SH3BP4: variants seen among roughly 807,000 people sequenced by gnomAD.
SH3BP4 encodes SH3 domain-binding protein 4.
Under a neutral mutation model 65.5 loss-of-function variants are expected in SH3BP4, and 33 were observed. That is an observed-to-expected ratio of 0.50 (90% CI 0.38 to 0.67). The LOEUF is 0.67. Ranked by LOEUF, SH3BP4 falls within the 30% of genes least tolerant of loss-of-function variation. The pLI is 0.00. For missense variants in SH3BP4, 1,134 were observed against 1,261.4 expected (o/e 0.90, Z 1.53); for synonymous variants, 552 against 545.5 (o/e 1.01, Z -0.17).
At position 235,002,924 on chromosome 2, in the gene SH3BP4, G is replaced by A. The variant is rs367910687; in HGVS notation, c.-133+7548G>A. On this transcript the variant is annotated intron_variant, in intron 2 of 5. Transcript: ENST00000392011. ...CAGCAGCAGATTCCAGGGAGGGCCC[G>A]GATGAACCTCCAACAGGAATGCTGA... 7.4e-4 allele frequency among the ~76,000 whole-genome samples: 113 copies of A among 152,304 alleles called. 1 individual carries two copies. Among genetic ancestry groups the A allele is most frequent in the African/African-American group, 2.5e-3 (104 of 41,560 alleles).
chr2:234,972,864 C>T (rs757560311), intron 1 of SH3BP4, among the ~76,000 whole-genome samples: 10 of 152,292 alleles, frequency 6.6e-5, no homozygotes, highest in Non-Finnish European at 1.2e-4. Context: ...GCCTTTTTCC[C>T]GGCTTCACTC....
At chr2:235,009,713 ATCTAATCAAGATT>A (rs1694414442) in intron 2 of SH3BP4, among the ~76,000 whole-genome samples, 1 of 151,790 alleles carries the variant, frequency 6.6e-6, no homozygotes, top group African/African-American at 2.4e-5. Flanking sequence ...TCTATTCCAG[ATCTAATCAAGATT>A]TACCTCTCAC....
chr2:235,052,049 G>A lies in SH3BP4; in HGVS notation c.2479-513G>A, dbSNP rs1696070951. ...ACAGGTCTCAGTCAGGGGTCCCAGG[G>A]TGGCCTCCGTCTGGAAGCAGTGGGG... is the stretch of plus-strand genomic sequence containing the variant. On this transcript the variant is annotated intron_variant, in intron 4 of 5. Transcript: ENST00000392011. The surrounding 1 kb of genome is among the most constrained non-coding windows in gnomAD (Gnocchi z 5.0). Among the ~76,000 whole-genome samples the A allele has an allele frequency of 1.3e-5, 2 of 152,186 alleles. No homozygotes were observed. The highest frequency in any genetic ancestry group is 1.3e-4 in the Admixed American group (2 of 15,280).
chr2:234,969,273 G>T (rs1385376279), intron 1 of SH3BP4, among the ~76,000 whole-genome samples: 1 of 152,156 alleles, frequency 6.6e-6, no homozygotes, highest in Admixed American at 6.5e-5. Flanking sequence ...TTGTACGTTC[G>T]GTGCTCTGAT....
chr2:234,988,506 G>A (rs945568710), intron 1 of SH3BP4, among the ~76,000 whole-genome samples: 9 of 152,222 alleles, frequency 5.9e-5, no homozygotes, highest in African/African-American at 2.2e-4. Flanking sequence ...AAGGACCCCA[G>A]CTCCAGCCAG....
intron 2 of SH3BP4, among the ~76,000 whole-genome samples, chr2:235,011,949 A>G (rs1013323561): frequency 3.3e-5 from 5 of 152,248 alleles, no homozygotes; most frequent in African/African-American, 4.8e-5. Context: ...AGACAGGCAT[A>G]GCCCTTGCTG....
rs562501080 is a variant in SH3BP4, at chr2:235,001,712, G to A, written c.-133+6336G>A. Reference sequence around the variant, plus strand: ...AACCCACAGTCCAGGGCAAGAGGCCGCATCCGGGAAGCCTGTGTACAGGTG... The same window carrying A: ...AACCCACAGTCCAGGGCAAGAGGCCACATCCGGGAAGCCTGTGTACAGGTG... On this transcript the variant is annotated intron_variant, in intron 2 of 5. Coordinates refer to ENST00000392011, the MANE Select transcript of SH3BP4 (RefSeq NM_014521.3). 1.1e-4 allele frequency among the ~76,000 whole-genome samples: 16 copies of A among 152,326 alleles called. 1 individual carries two copies. In the South Asian group the frequency reaches 3.3e-3, roughly 32 times the overall value.
Position 235,042,301 on chromosome 2 carries a change from G to A in SH3BP4, c.1532G>A (p.Arg511His), listed in dbSNP as rs35521640. ...PKTLLVSEVT[R>H]QAPNPAPVAL... is the part of the protein sequence containing the mutation. ...ACGCTCCTGGTCAGCGAGGTCACAC[G>A]CCAGGCACCCAACCCTGCCCCGGTG... Residue 511 changes from arginine to histidine, a missense_variant, in exon 4 of 6, where the codon CGC becomes CAC. Physicochemically the swap from Arg to His is conservative, Grantham distance 29. Transcript: ENST00000392011. This position sits in a 1 kb window ranked among gnomAD's most constrained non-coding sequence, Gnocchi z 7.3. 152 of 1,614,136 alleles carry A rather than the reference G, an allele frequency of 9.4e-5. No homozygotes were observed. The East Asian group carries it at 2.2e-3, about 23-fold the overall frequency.
In SH3BP4 at chr2:234,991,369, A is replaced by G. The variant is rs1693742720; in HGVS notation, c.-206-3934A>G. Among the ~76,000 whole-genome samples the G allele has an allele frequency of 6.6e-6, 1 of 152,188 alleles. No individual in the cohort carries two copies. Among genetic ancestry groups the G allele is most frequent in the African/African-American group, 2.4e-5 (1 of 41,440 alleles). On this transcript the variant is annotated intron_variant, in intron 1 of 5. Coordinates refer to ENST00000392011, the MANE Select transcript of SH3BP4 (RefSeq NM_014521.3). This position sits in a 1 kb window ranked among gnomAD's most constrained non-coding sequence, Gnocchi z 4.2. ...ATTGTTAAAACAGCTACTCAGATGG[A>G]CAGAGTGACATAACTGCCCTTCTCT...
chr2:234,970,646 G>T (rs574579798), intron 1 of SH3BP4, among the ~76,000 whole-genome samples: 1 of 152,328 alleles, frequency 6.6e-6, no homozygotes, highest in East Asian at 1.9e-4. Context: ...TTCCTGGAGC[G>T]CCTTCCCTCG....
intron 1 of SH3BP4, among the ~76,000 whole-genome samples, chr2:234,954,550 C>T (rs991981620): frequency 6.6e-6 from 1 of 152,186 alleles, no homozygotes; most frequent in African/African-American, 2.4e-5. Context: ...GTATTGTGCT[C>T]TTACTTTTCT....
chr2:234,960,189 C>A (rs775437508), intron 1 of SH3BP4, among the ~76,000 whole-genome samples: 1 of 152,336 alleles, frequency 6.6e-6, no homozygotes, highest in Non-Finnish European at 1.5e-5. Flanking sequence ...GAATGCTAGG[C>A]CCAGGGCCTA....
intron 1 of SH3BP4, among the ~76,000 whole-genome samples, chr2:234,969,734 G>A (rs1692931894): frequency 6.6e-6 from 1 of 152,200 alleles, no homozygotes; most frequent in Non-Finnish European, 1.5e-5. Context: ...TAGGATGCCT[G>A]TGGGTCCTCT....
intron 2 of SH3BP4, among the ~76,000 whole-genome samples, chr2:235,020,385 T>C (rs1339343355): frequency 6.6e-6 from 1 of 152,132 alleles, no homozygotes; most frequent in African/African-American, 2.4e-5. Context: ...TAATCCCATC[T>C]ACTCAGGAGA....
chr2:234,992,437 C>T (rs527654236), intron 1 of SH3BP4, among the ~76,000 whole-genome samples: 1 of 152,334 alleles, frequency 6.6e-6, no homozygotes, highest in Non-Finnish European at 1.5e-5. Context: ...AGGAGGAAGG[C>T]ATTGTGGGCC....
chr2:234,994,123 G>A (rs1216173206), intron 1 of SH3BP4, among the ~76,000 whole-genome samples: 5 of 152,012 alleles, frequency 3.3e-5, no homozygotes, highest in Admixed American at 6.6e-5. Flanking sequence ...CCTATTGGGC[G>A]GTTTCCTTTC....
intron 1 of SH3BP4, among the ~76,000 whole-genome samples, chr2:234,989,216 G>C (rs1693675949): frequency 6.6e-6 from 1 of 150,408 alleles, no homozygotes; most frequent in African/African-American, 2.5e-5. Flanking sequence ...CCGTGCATGA[G>C]GACTGATTGT....
rs959701389 is a variant in SH3BP4, at chr2:234,974,847, C to T, written c.-206-20456C>T. ...ATCTGAGCCAGTCAGTGTGCCCACA[C>T]TGGGGGTGCTGCAGGTCGCGTTTCA... On this transcript the variant is annotated intron_variant, in intron 1 of 5. Coordinates refer to ENST00000392011, the MANE Select transcript of SH3BP4 (RefSeq NM_014521.3). This position sits in a 1 kb window ranked among gnomAD's most constrained non-coding sequence, Gnocchi z 4.6. 7.2e-5 allele frequency among the ~76,000 whole-genome samples: 11 copies of T among 152,168 alleles called. No homozygotes were observed. The highest frequency in any genetic ancestry group is 2.7e-4 in the African/African-American group (11 of 41,454).
chr2:234,983,218 A>AG (rs1693445121), intron 1 of SH3BP4: 1 of 152,216 alleles, frequency 6.6e-6, no homozygotes, highest in Admixed American at 6.5e-5. Flanking sequence ...AGCCCGTTCA[A>AG]GGTGCTTCTT....
Sources: gnomAD v4.1 joint callset for allele counts (sites outside exome capture counted in the v4.1 genomes callset) on GRCh38, gnomAD v4.1.1 for gene constraint, Gnocchi (gnomAD v3.1) non-coding constraint, MANE v1.5 for transcripts, NCBI Gene and HGNC (gene_info 2026-07-23, HGNC 2026-07-21) for gene names.